Variants in RUFY3 observed in about 807,000 individuals in gnomAD.
RUFY3 encodes the protein protein RUFY3.
Under a neutral mutation model 84.0 loss-of-function variants are expected in RUFY3, and 34 were observed. That is an observed-to-expected ratio of 0.40 (90% CI 0.31 to 0.54). The LOEUF is 0.54. RUFY3 is among the 20% of genes least tolerant of loss of function. RUFY3 has a pLI of 0.39. For synonymous variants in RUFY3, 242 were observed against 252.9 expected (o/e 0.96, Z 0.41); for missense variants, 507 against 736.8 (o/e 0.69, Z 3.61).
chr4:70,749,657 C>CTTT (rs537416557), intron 1 of RUFY3, among the ~76,000 whole-genome samples: 20 of 132,164 alleles, frequency 1.5e-4, no homozygotes, highest in African/African-American at 5.2e-4. Context: ...CTTGTCTTGT[C>CTTT]TTTTTTTTTT....
chr4:70,730,796 G>C (rs1719130003), intron 1 of RUFY3, among the ~76,000 whole-genome samples: 1 of 152,050 alleles, frequency 6.6e-6, no homozygotes, highest in African/African-American at 2.4e-5. Context: ...ATAACCGGTA[G>C]AGGCAGGATT....
chr4:70,733,119 AGGGAGGGAGGGAGGGAGG>A (rs59849959), intron 1 of RUFY3, among the ~76,000 whole-genome samples: 4,152 of 57,302 alleles, frequency 0.072, 223 homozygotes, highest in African/African-American at 0.24. Context: ...AGAGAGAGAG[AGGGAGGGAGGGAGGGAGG>A]GAGAGAGAGA....
At chr4:70,769,446 T>TA (rs1191243654) in intron 5 of RUFY3, among the ~76,000 whole-genome samples, 10 of 152,208 alleles carry the variant, frequency 6.6e-5, no homozygotes, top group African/African-American at 1.9e-4. Context: ...ACTTTATTGC[T>TA]AAAAAAATGC....
At chr4:70,772,918 C>T (rs1279069461) in intron 5 of RUFY3, among the ~76,000 whole-genome samples, 1 of 152,152 alleles carries the variant, frequency 6.6e-6, no homozygotes, top group East Asian at 1.9e-4. Flanking sequence ...GCTTCGGCCT[C>T]CCAAAGTGCT....
intron 7 of RUFY3, among the ~76,000 whole-genome samples, chr4:70,776,531 T>C (rs953384201): frequency 6.6e-6 from 1 of 152,148 alleles, no homozygotes; most frequent in Non-Finnish European, 1.5e-5. Context: ...TCCCAGCACT[T>C]TGGGAGGCCG....
intron 1 of RUFY3, among the ~76,000 whole-genome samples, chr4:70,733,167 AAAG>A (rs1719734015): frequency 7.3e-6 from 1 of 137,006 alleles, no homozygotes; most frequent in African/African-American, 2.9e-5. Context: ...AGAGAGAGAG[AAAG>A]AAAGAAAGAA....
chr4:70,745,579 T>TA (rs1370771752), intron 1 of RUFY3, among the ~76,000 whole-genome samples: 1 of 152,190 alleles, frequency 6.6e-6, no homozygotes, highest in Non-Finnish European at 1.5e-5. Context: ...CTCTGAGGAT[T>TA]AAAATAGTCA....
chr4:70,769,654 G>A (rs1726624648), intron 5 of RUFY3, among the ~76,000 whole-genome samples: 1 of 152,152 alleles, frequency 6.6e-6, no homozygotes. Flanking sequence ...AGCATACCAC[G>A]CTGTTTGACA....
At chr4:70,705,532 G>C (rs796365806) in intron 1 of RUFY3, among the ~76,000 whole-genome samples, 1 of 150,942 alleles carries the variant, frequency 6.6e-6, no homozygotes, top group East Asian at 1.9e-4. Context: ...CCAGGCCGCG[G>C]CTCCTGCCTG....
intron 1 of RUFY3, among the ~76,000 whole-genome samples, chr4:70,736,552 A>T (rs1417360606): frequency 6.6e-6 from 1 of 151,410 alleles, no homozygotes; most frequent in Non-Finnish European, 1.5e-5. Context: ...CAGTTATTGG[A>T]TGTGCTATAA....
rs182707248 is a variant in RUFY3 at position 70,795,433 on chromosome 4, C to T, written c.1557+539C>T. ...TAAAGAGCAAAAGTAGAAATTTCTA[C>T]ATAATAATCTTAGAAGGAGACCCCT... On this transcript the variant is annotated intron_variant, in intron 14 of 17. Coordinates refer to ENST00000381006, the MANE Select transcript of RUFY3 (RefSeq NM_001037442.4). Among the ~76,000 whole-genome samples the T allele has an allele frequency of 5.3e-5, 8 of 152,200 alleles. No individual in the cohort carries two copies. The East Asian group carries it at 9.7e-4, about 18-fold the overall frequency.
chr4:70,735,992 A>G (rs1353764407), intron 1 of RUFY3, among the ~76,000 whole-genome samples: 1 of 151,986 alleles, frequency 6.6e-6, no homozygotes, highest in Non-Finnish European at 1.5e-5. Context: ...TCATCTCAAA[A>G]AAAATTAGCT....
intron 8 of RUFY3, among the ~76,000 whole-genome samples, chr4:70,778,707 G>A (rs1728394508): frequency 1.3e-5 from 2 of 151,008 alleles, no homozygotes; most frequent in South Asian, 4.2e-4. Flanking sequence ...AGCCTCCCGA[G>A]TAGCTGGGAT....
At chr4:70,744,962 A>G (rs1462253972) in intron 1 of RUFY3, among the ~76,000 whole-genome samples, 1 of 123,554 alleles carries the variant, frequency 8.1e-6, no homozygotes, top group Non-Finnish European at 1.7e-5. Context: ...GCCCTTTTGA[A>G]TTTTTTTAGA....
At chr4:70,746,834 C>T (rs1385528643) in intron 1 of RUFY3, among the ~76,000 whole-genome samples, 1 of 152,118 alleles carries the variant, frequency 6.6e-6, no homozygotes, top group Non-Finnish European at 1.5e-5. Flanking sequence ...ACATAACAGT[C>T]TTGAAGTGAT....
chr4:70,737,280 A>G (rs1213358972), intron 1 of RUFY3, among the ~76,000 whole-genome samples: 1 of 151,834 alleles, frequency 6.6e-6, no homozygotes, highest in Admixed American at 6.6e-5. Context: ...AGCAAAAGAG[A>G]GTTTTTACTG....
chr4:70,704,966 T>G, exon 1 of RUFY3: 4 of 1,226,852 alleles, frequency 3.3e-6, no homozygotes, highest in Non-Finnish European at 3.0e-6. Flanking sequence ...CGCCCACCGC[T>G]GGTGCCGAAA....
At chr4:70,789,134 A>G (rs962511515) in intron 11 of RUFY3, among the ~76,000 whole-genome samples, 161 bp downstream of exon 11, 3 of 152,190 alleles carry the variant, frequency 2.0e-5, no homozygotes, top group African/African-American at 7.2e-5. Flanking sequence ...TCAGACAACC[A>G]TGGGATCCTG....
intron 11 of RUFY3, 48 bp downstream of exon 11, chr4:70,789,021 G>A (rs1244985331): frequency 6.3e-7 from 1 of 1,588,414 alleles, no homozygotes; most frequent in Non-Finnish European, 8.6e-7. Context: ...AAAATCCTGG[G>A]GCTTCCCTCC....
Sources: allele counts gnomAD v4.1 joint callset (sites outside exome capture counted in the v4.1 genomes callset), GRCh38; gene constraint gnomAD v4.1.1; transcripts MANE v1.5; gene names NCBI Gene and HGNC (gene_info 2026-07-23, HGNC 2026-07-21).